The following ATP2B2 variants were observed in gnomAD, a reference collection of about 807,000 sequenced individuals.
The protein encoded by ATP2B2 is plasma membrane calcium-transporting ATPase 2.
A neutral mutation model predicts 120.0 loss-of-function variants in ATP2B2; 15 were observed. The ratio of observed to expected loss-of-function variants is 0.12; its 90% CI spans 0.08 to 0.19. The LOEUF is 0.19. Ranked by LOEUF, ATP2B2 falls within the 10% of genes least tolerant of loss-of-function variation. The probability of loss-of-function intolerance (pLI) is 1.00; values close to 1 mark genes in which losing one functional copy is unlikely to be tolerated. For synonymous variants in ATP2B2, 694 were observed against 700.3 expected (o/e 0.99, Z 0.14); for missense variants, 1,045 against 1,719.8 (o/e 0.61, Z 6.94).
chr3:10,629,342 T>G (rs957732928), intron 1 of ATP2B2, among the ~76,000 whole-genome samples: 1 of 152,188 alleles, frequency 6.6e-6, no homozygotes. Flanking sequence ...AGTATTGATC[T>G]GGGTATATAC....
intron 2 of ATP2B2, among the ~76,000 whole-genome samples, chr3:10,428,137 G>T (rs2063200924): frequency 6.6e-6 from 1 of 152,168 alleles, no homozygotes; most frequent in East Asian, 1.9e-4. Flanking sequence ...TATGGCCTGG[G>T]CATGTTAACC....
At chr3:10,468,563 G>A (rs543317488) in intron 1 of ATP2B2, among the ~76,000 whole-genome samples, 2 of 152,342 alleles carry the variant, frequency 1.3e-5, no homozygotes, top group South Asian at 4.1e-4. Context: ...TGTTATTTGA[G>A]GGAGTTCATC....
At chr3:10,407,977 G>A (rs532800733) in intron 3 of ATP2B2, among the ~76,000 whole-genome samples, 40 of 152,178 alleles carry the variant, frequency 2.6e-4, no homozygotes, top group Non-Finnish European at 4.7e-4. Context: ...CCTGTGCCTA[G>A]GCTCTGATCA....
chr3:10,432,101 C>T (rs548709429), intron 2 of ATP2B2, among the ~76,000 whole-genome samples: 1 of 152,340 alleles, frequency 6.6e-6, no homozygotes, highest in Non-Finnish European at 1.5e-5. Flanking sequence ...ATCTGGAACA[C>T]ATTCAAAGAG....
At chr3:10,472,271 C>T (rs2125288419) in intron 1 of ATP2B2, among the ~76,000 whole-genome samples, 1 of 152,190 alleles carries the variant, frequency 6.6e-6, no homozygotes, top group African/African-American at 2.4e-5. Context: ...CCTCTTGCCA[C>T]CTGCTGGTCT....
chr3:10,689,705 A>G (rs2071610964), intron 1 of ATP2B2, among the ~76,000 whole-genome samples: 1 of 152,210 alleles, frequency 6.6e-6, no homozygotes, highest in Non-Finnish European at 1.5e-5. Flanking sequence ...GTCATGGACC[A>G]GCATTGCCCT....
At position 10,606,081 on chromosome 3, in the gene ATP2B2, G is replaced by A. The variant is rs369359172; in HGVS notation, c.-415+13836C>T. On this transcript the variant is annotated intron_variant, in intron 2 of 21. Transcript: ENST00000646379. ...TGCAGCGAGCTACGATTGTACCACCGCACTCCAGCCTGGGTGCAGAGCAAG... is the reference window on the plus strand; with the variant it reads ...TGCAGCGAGCTACGATTGTACCACCACACTCCAGCCTGGGTGCAGAGCAAG... 3.9e-4 allele frequency among the ~76,000 whole-genome samples: 60 copies of A among 152,160 alleles called. 3 individuals are homozygous for A. The East Asian group carries it at 8.5e-3, about 22-fold the overall frequency.
At chr3:10,436,035 C>T (rs2063470041) in intron 2 of ATP2B2, among the ~76,000 whole-genome samples, 1 of 152,140 alleles carries the variant, frequency 6.6e-6, no homozygotes, top group Admixed American at 6.5e-5. Context: ...CCTTCCTGGC[C>T]TAAGCGTGGG....
intron 1 of ATP2B2, among the ~76,000 whole-genome samples, chr3:10,489,622 C>T (rs1223767885): frequency 2.6e-5 from 4 of 152,154 alleles, no homozygotes. Flanking sequence ...GGACTCACTG[C>T]CTGCTGTGAC....
At chr3:10,383,450 C>T (rs2061587101) in intron 8 of ATP2B2, among the ~76,000 whole-genome samples, 1 of 152,208 alleles carries the variant, frequency 6.6e-6, no homozygotes, top group Non-Finnish European at 1.5e-5. Context: ...GGTTCTCAAA[C>T]ATCTTTGACC....
chr3:10,621,622 T>A (rs189863505), intron 1 of ATP2B2, among the ~76,000 whole-genome samples: 1 of 152,228 alleles, frequency 6.6e-6, no homozygotes, highest in East Asian at 1.9e-4. Context: ...GCTGCGGCCA[T>A]GTCAGGAGAC....
intron 21 of ATP2B2, chr3:10,338,805 G>T (rs907424771): frequency 4.0e-6 from 1 of 251,058 alleles, no homozygotes; most frequent in African/African-American, 2.3e-5. Flanking sequence ...GGTCTAACTC[G>T]TCCTGCATGA....
At chr3:10,612,930 C>A (rs1446909267) in intron 2 of ATP2B2, among the ~76,000 whole-genome samples, 2 of 152,142 alleles carry the variant, frequency 1.3e-5, no homozygotes, top group African/African-American at 2.4e-5. Context: ...TATTCATGAA[C>A]CCCTTAGAGT....
At chr3:10,391,534 C>T (rs558210721) in intron 5 of ATP2B2, among the ~76,000 whole-genome samples, 5 of 152,058 alleles carry the variant, frequency 3.3e-5, no homozygotes, top group East Asian at 1.9e-4. Context: ...TCACTCCCAT[C>T]GCAGCAGGGA....
chr3:10,630,881 G>A (rs1319009687), intron 1 of ATP2B2, among the ~76,000 whole-genome samples: 1 of 152,048 alleles, frequency 6.6e-6, no homozygotes, highest in Non-Finnish European at 1.5e-5. Context: ...CCAGTGGGAG[G>A]CAGGGCTGTG....
intron 1 of ATP2B2, among the ~76,000 whole-genome samples, chr3:10,656,049 CA>C (rs2070618420): frequency 6.6e-6 from 1 of 152,164 alleles, no homozygotes; most frequent in South Asian, 2.1e-4. Flanking sequence ...TCAGCGTCCA[CA>C]GGGGTGGGGA....
intron 17 of ATP2B2, 141 bp from the exon 18 acceptor site, chr3:10,345,716 C>T: frequency 1.2e-6 from 1 of 820,710 alleles, no homozygotes; most frequent in Non-Finnish European, 1.9e-6. Flanking sequence ...ACAGGGACAC[C>T]CCACTCTTCA....
chr3:10,432,519 C>T (rs2063350226), intron 2 of ATP2B2, among the ~76,000 whole-genome samples: 1 of 152,262 alleles, frequency 6.6e-6, no homozygotes, highest in Non-Finnish European at 1.5e-5. Flanking sequence ...CCTGGCCTCG[C>T]ATTAACTGCA....
chr3:10,364,371 G>A (rs930525197), intron 12 of ATP2B2, among the ~76,000 whole-genome samples: 3 of 152,086 alleles, frequency 2.0e-5, no homozygotes, highest in Admixed American at 2.0e-4. Context: ...AAATTTTATG[G>A]TATATATATT....
Sources: gnomAD v4.1 joint callset for allele counts (sites outside exome capture counted in the v4.1 genomes callset) on GRCh38, gnomAD v4.1.1 for gene constraint, MANE v1.5 for transcripts, NCBI Gene and HGNC (gene_info 2026-07-23, HGNC 2026-07-21) for gene names.